PRDM15: variants seen among roughly 807,000 people sequenced by gnomAD.
The protein encoded by PRDM15 is PR/SET domain 15, also known as PR domain zinc finger protein 15.
PRDM15 carries 64 observed loss-of-function variants against 128.6 expected under a neutral mutation model. The observed-to-expected ratio is 0.50, with a 90% CI of 0.41 to 0.61. PRDM15 has a LOEUF of 0.61. Among genes scored for constraint, PRDM15 ranks in the 20% least tolerant of loss-of-function variants. The pLI, the probability that PRDM15 is intolerant of heterozygous loss-of-function variation, is 0.00. For synonymous variants in PRDM15, 615 were observed against 621.8 expected (o/e 0.99, Z 0.16); for missense variants, 1,242 against 1,569.1 (o/e 0.79, Z 3.52).
intron 8 of PRDM15, 48 bp from the exon 9 acceptor site, chr21:41,836,697 T>A (rs772289841): frequency 8.5e-6 from 13 of 1,523,924 alleles, no homozygotes; most frequent in Middle Eastern, 1.7e-4. Context: ...GGGAAAAAAG[T>A]TCCAGGTTAC....
intron 22 of PRDM15, 178 bp from the exon 23 acceptor site, chr21:41,803,099 CA>C: frequency 1.6e-6 from 1 of 619,644 alleles, no homozygotes; most frequent in Non-Finnish European, 2.9e-6. Context: ...AGGATCGGGG[CA>C]AGTTCCTTTA....
At chr21:41,876,197 C>T (rs1453268428) in intron 1 of PRDM15, among the ~76,000 whole-genome samples, 1 of 152,222 alleles carries the variant, frequency 6.6e-6, no homozygotes, top group Non-Finnish European at 1.5e-5. Context: ...CTGATCAAAA[C>T]AGAAATAGTC....
At chr21:41,830,986 G>A (rs2146513718) in intron 11 of PRDM15, among the ~76,000 whole-genome samples, 1 of 152,242 alleles carries the variant, frequency 6.6e-6, no homozygotes, top group East Asian at 1.9e-4. Flanking sequence ...CCAGTTGACG[G>A]CGACCCCGGG....
At chr21:41,825,711 G>C (rs2062445101) in intron 13 of PRDM15, among the ~76,000 whole-genome samples, 1 of 152,200 alleles carries the variant, frequency 6.6e-6, no homozygotes, top group Non-Finnish European at 1.5e-5. Context: ...TCATGGCAAA[G>C]AGGAAAAGAG....
rs533522401 is a variant in PRDM15 at position 41,835,601 on chromosome 21, G to A, written c.1279-77C>T. 1.6e-4 allele frequency: 189 copies of A among 1,200,402 alleles called. No homozygotes were observed. The East Asian group carries it at 1.9e-3, about 12-fold the overall frequency. 74.4% of individuals were successfully genotyped at this position (1,200,402 alleles called of 1,614,324 possible). ...ATGCCGAGCCCCCGACGTGCTGCCC[G>A]GGCGACTCCACGCCTGTGTCTGTTA... On this transcript the variant is annotated intron_variant, in intron 10 of 23. Transcript: ENST00000398548.
At chr21:41,861,533 T>G in intron 1 of PRDM15, 2 of 1,512,356 alleles carry the variant, frequency 1.3e-6, no homozygotes, top group Non-Finnish European at 1.8e-6. Context: ...ATTCCTCCTC[T>G]GCCCCCCCCC....
At chr21:41,840,303 G>A (rs533610363) in intron 6 of PRDM15, among the ~76,000 whole-genome samples, 29 of 152,120 alleles carry the variant, frequency 1.9e-4, no homozygotes, top group Admixed American at 3.9e-4. Flanking sequence ...AAAGTTAGCC[G>A]GGTGTGGTGG....
At position 41,859,773 on chromosome 21, in the gene PRDM15, G is replaced by A; in HGVS notation, c.38-88C>T. 2.8e-6 allele frequency: 3 copies of A among 1,059,712 alleles called. No homozygotes were observed. The highest frequency in any genetic ancestry group is 1.3e-5 in the South Asian group (1 of 74,542). The allele number at this position is 1,059,712 out of a possible 1,614,324, so 65.6% of individuals were successfully genotyped here. A position where few individuals can be genotyped will look rare whatever the true frequency, so the allele number is the denominator to read the frequency against. The stretch of plus-strand genomic sequence containing the variant: ...TGGGAAATGGGGACCCTGGCCCCAT[G>A]AGGGTGACCCAGAGTCATGAGACAC... On this transcript the variant is annotated intron_variant, in intron 2 of 23. Transcript: ENST00000398548. The surrounding 1 kb of genome is among the most constrained non-coding windows in gnomAD (Gnocchi z 5.3).
At chr21:41,833,247 G>A (rs1350459613) in intron 11 of PRDM15, among the ~76,000 whole-genome samples, 2 of 152,098 alleles carry the variant, frequency 1.3e-5, no homozygotes, top group African/African-American at 2.4e-5. Context: ...CACACCACAA[G>A]GGACAGGCAC....
At chr21:41,814,126 TCG>T in intron 19 of PRDM15, 2 of 124,138 alleles carry the variant, frequency 1.6e-5, no homozygotes, top group Non-Finnish European at 3.3e-5. Flanking sequence ...TGAGAATGCC[TCG>T]TGTTAGTGAT....
At chr21:41,868,852 G>A (rs2145993102) in intron 1 of PRDM15, among the ~76,000 whole-genome samples, 1 of 151,938 alleles carries the variant, frequency 6.6e-6, no homozygotes, top group East Asian at 1.9e-4. Flanking sequence ...ACCATGCCCA[G>A]CTAATTTTTG....
rs748269598 is a variant in PRDM15 at position 41,828,372 on chromosome 21, T to C, written c.1367-39A>G. 6 of 1,608,640 alleles carry C rather than the reference T, an allele frequency of 3.7e-6. No individual in the cohort carries two copies. The South Asian group carries it at 5.5e-5, about 15-fold the overall frequency. Reference sequence around the variant, plus strand: ...AAACAAACACACAACGATTTTGAGGTAAATAACATCTCACGCAGGCACGCA... The same window carrying C: ...AAACAAACACACAACGATTTTGAGGCAAATAACATCTCACGCAGGCACGCA... On this transcript the variant is annotated intron_variant, in intron 11 of 23. Coordinates refer to ENST00000398548, the MANE Select transcript of PRDM15 (RefSeq NM_001040424.3). The surrounding 1 kb of genome is among the most constrained non-coding windows in gnomAD (Gnocchi z 5.7).
chr21:41,874,521 A>ATTTTTT (rs1336105383), intron 1 of PRDM15, among the ~76,000 whole-genome samples: 53 of 47,942 alleles, frequency 1.1e-3, no homozygotes, highest in Non-Finnish European at 1.5e-3. Context: ...ATATATATAT[A>ATTTTTT]TATATTTTTT....
At position 41,854,963 on chromosome 21, in the gene PRDM15, T is replaced by A; in HGVS notation, c.286-145A>T. ...AGGGCTCCTGTACGGGATGTTGAGGTGTTTACAATAGTGAGGAGGGTCACA... is the reference window on the plus strand; with the variant it reads ...AGGGCTCCTGTACGGGATGTTGAGGAGTTTACAATAGTGAGGAGGGTCACA... On this transcript the variant is annotated intron_variant, in intron 4 of 23. Transcript: ENST00000398548. This position sits in a 1 kb window ranked among gnomAD's most constrained non-coding sequence, Gnocchi z 4.6. 1.1e-6 allele frequency: 1 copy of A among 936,914 alleles called. No homozygotes were observed. The highest frequency in any genetic ancestry group is 1.6e-6 in the Non-Finnish European group (1 of 642,504). 58.0% of individuals were successfully genotyped at this position (936,914 alleles called of 1,614,324 possible).
chr21:41,872,595 T>C (rs1205718131), intron 1 of PRDM15, among the ~76,000 whole-genome samples: 2 of 152,224 alleles, frequency 1.3e-5, no homozygotes, highest in Non-Finnish European at 2.9e-5. Context: ...ATGCTTCTAA[T>C]GGATAGTGAT....
chr21:41,835,571 C>T (rs1408910519), intron 10 of PRDM15, 47 bp from the exon 11 acceptor site: 1 of 1,528,796 alleles, frequency 6.5e-7, no homozygotes, highest in Non-Finnish European at 9.0e-7. Context: ...GCGCAGAGTC[C>T]ACAGATGCCG....
At chr21:41,829,793 G>C (rs1741506503) in intron 11 of PRDM15, among the ~76,000 whole-genome samples, 1 of 146,886 alleles carries the variant, frequency 6.8e-6, no homozygotes, top group African/African-American at 2.5e-5. Context: ...ACACCACACA[G>C]ATACACTCAA....
chr21:41,853,067 A>G (rs1484759199), intron 5 of PRDM15, among the ~76,000 whole-genome samples: 2 of 152,252 alleles, frequency 1.3e-5, no homozygotes, highest in South Asian at 2.1e-4. Context: ...CAGGGTGCCC[A>G]GAAGGGACCA....
At chr21:41,806,400 C>T (rs374823898) in intron 21 of PRDM15, among the ~76,000 whole-genome samples, 19 of 32,790 alleles carry the variant, frequency 5.8e-4, no homozygotes, top group Admixed American at 1.7e-3. Context: ...ACCATCACCA[C>T]CACCACCACC....
Sources: gnomAD v4.1 joint callset for allele counts (sites outside exome capture counted in the v4.1 genomes callset) on GRCh38, gnomAD v4.1.1 for gene constraint, Gnocchi (gnomAD v3.1) non-coding constraint, MANE v1.5 for transcripts, NCBI Gene and HGNC (gene_info 2026-07-23, HGNC 2026-07-21) for gene names.